Variants in EXOG observed in about 807,000 individuals in gnomAD.
The protein encoded by EXOG is exo/endonuclease G.
Under a neutral mutation model 25.8 loss-of-function variants are expected in EXOG, and 27 were observed. The ratio of observed to expected loss-of-function variants is 1.05; its 90% CI spans 0.77 to 1.45. The LOEUF is 1.45. EXOG is among the 40% of genes most tolerant of loss of function. The probability of loss-of-function intolerance (pLI) is 0.00; values close to 1 mark genes in which losing one functional copy is unlikely to be tolerated. For missense variants in EXOG, 458 were observed against 450.5 expected (o/e 1.02, Z -0.15); for synonymous variants, 133 against 167.0 (o/e 0.80, Z 1.57).
chr3:38,498,197 GATGTATAATTACAATA>G (rs1232974394), intron 2 of EXOG, among the ~76,000 whole-genome samples: 3 of 152,200 alleles, frequency 2.0e-5, no homozygotes, highest in Non-Finnish European at 4.4e-5. Context: ...AATAATTTTA[GATGTATAATTACAATA>G]ATTTTTCCAA....
chr3:38,501,604 A>G (rs1457697582), intron 3 of EXOG, 110 bp downstream of exon 3: 10 of 878,180 alleles, frequency 1.1e-5, no homozygotes, highest in African/African-American at 3.3e-5. Flanking sequence ...GAGAATTTCC[A>G]TACTCTTATT....
Position 38,524,465 on chromosome 3 carries a change from T to G in EXOG, c.*103T>G, listed in dbSNP as rs533942963. On this transcript the variant is annotated 3_prime_UTR_variant, in exon 6 of 6. Transcript: ENST00000287675. ...TGCTTTTTGCTTTTTAAAAAGTTTT[T>G]CTCTTTAAGAGATGTGGTCTCGCCG... 6.9e-7 allele frequency: 1 copy of G among 1,451,412 alleles called. No individual in the cohort carries two copies. Among genetic ancestry groups the G allele is most frequent in the African/African-American group, 1.4e-5 (1 of 69,842 alleles). 89.9% of individuals were successfully genotyped at this position (1,451,412 alleles called of 1,614,324 possible).
chr3:38,512,003 T>A (rs115661651), intron 5 of EXOG, among the ~76,000 whole-genome samples: 2,408 of 152,330 alleles, frequency 0.016, 69 homozygotes, highest in African/African-American at 0.056. Flanking sequence ...AAGATTCTTT[T>A]TTACTTCTCC....
intron 2 of EXOG, chr3:38,501,088 C>G: frequency 3.3e-6 from 1 of 304,620 alleles, no homozygotes; most frequent in Non-Finnish European, 6.0e-6. Flanking sequence ...AAATACTATT[C>G]AGAGGAGTTT....
At chr3:38,513,556 A>ATGGAATGTGTTTT (rs11273215) in intron 5 of EXOG, among the ~76,000 whole-genome samples, 2 of 151,918 alleles carry the variant, frequency 1.3e-5, no homozygotes, top group African/African-American at 2.4e-5. Context: ...CTTTTTAAAA[A>ATGGAATGTGTTTT]TACTTTCTAA....
At position 38,504,868 on chromosome 3, in the gene EXOG, C is replaced by T. The variant is rs76896572; in HGVS notation, c.530+1177C>T. On this transcript the variant is annotated intron_variant, in intron 4 of 5. Transcript: ENST00000287675. ...GTTCTTTCAGGCTATTGTGTTTTTCCCCATATAGTACTTTGTGGTTTAAAA... is the reference window on the plus strand; with the variant it reads ...GTTCTTTCAGGCTATTGTGTTTTTCTCCATATAGTACTTTGTGGTTTAAAA... Among the ~76,000 whole-genome samples the T allele has an allele frequency of 1.5e-3, 233 of 152,188 alleles. 2 individuals carry two copies. The East Asian group carries it at 0.037, about 24-fold the overall frequency.
Position 38,501,445 on chromosome 3 carries a change from G to C in EXOG, c.404G>C (p.Gly135Ala). 2 of 1,613,898 alleles carry C rather than the reference G, an allele frequency of 1.2e-6. No homozygotes were observed. Among genetic ancestry groups the C allele is most frequent in the South Asian group, 2.2e-5 (2 of 91,068 alleles). The change falls in exon 3 of 6, where the codon GGG (glycine) becomes GCG (alanine). Residue 135 changes from glycine to alanine, a missense_variant. Around this residue, in one of 3 missense-constraint regions of EXOG, gnomAD observed 275 missense variants for 230.5 expected, o/e 1.19. Coordinates refer to ENST00000287675, the MANE Select transcript of EXOG (RefSeq NM_005107.4). ...TTCAATGAAGATTATGTTGGAAGTGGGTGGTCACGAGGACACATGGCTCCA... is the reference window on the plus strand; with the variant it reads ...TTCAATGAAGATTATGTTGGAAGTGCGTGGTCACGAGGACACATGGCTCCA... ...SAFNEDYVGS[G>A]WSRGHMAPAG...
At chr3:38,503,913 C>T (rs141371551) in intron 4 of EXOG, among the ~76,000 whole-genome samples, 88 of 152,278 alleles carry the variant, frequency 5.8e-4, no homozygotes, top group African/African-American at 2.0e-3. Context: ...TCATGTTTGC[C>T]ACTGTTCAAA....
intron 5 of EXOG, among the ~76,000 whole-genome samples, chr3:38,521,524 G>C (rs2060715528): frequency 6.6e-6 from 1 of 152,208 alleles, no homozygotes; most frequent in Non-Finnish European, 1.5e-5. Context: ...GAGTCCATGA[G>C]GAGAGAAAAT....
chr3:38,497,075 CAAAAAA>C, intron 1 of EXOG: 1 of 903,066 alleles, frequency 1.1e-6, no homozygotes, highest in Non-Finnish European at 1.3e-6. Flanking sequence ...TTATATTTGA[CAAAAAA>C]AAAAAAAAAA....
chr3:38,519,570 G>T (rs1425828042), intron 5 of EXOG, among the ~76,000 whole-genome samples: 1 of 152,012 alleles, frequency 6.6e-6, no homozygotes, highest in African/African-American at 2.4e-5. Context: ...TAAGTCTCTT[G>T]CTTTATATTT....
At chr3:38,502,016 G>A (rs1374940944) in intron 3 of EXOG, among the ~76,000 whole-genome samples, 2 of 151,690 alleles carry the variant, frequency 1.3e-5, no homozygotes, top group African/African-American at 4.9e-5. Context: ...TCCGCCTCCC[G>A]GGTTCAAGTG....
At position 38,497,005 on chromosome 3, in the gene EXOG, AGTTGAAGAATACC is replaced by A. The variant is rs1279367259; in HGVS notation, c.163+476_163+488del. 4.8e-6 allele frequency: 5 copies of A among 1,046,530 alleles called. No individual in the cohort carries two copies. The African/African-American group carries it at 8.7e-5, about 18-fold the overall frequency. 64.8% of individuals were successfully genotyped at this position (1,046,530 alleles called of 1,614,324 possible). A position where few individuals can be genotyped will look rare whatever the true frequency, so the allele number is the denominator to read the frequency against. On this transcript the variant is annotated intron_variant, in intron 1 of 5. Coordinates refer to ENST00000287675, the MANE Select transcript of EXOG (RefSeq NM_005107.4). ...AACTGCCCTTCTTTCGTCATTGTTC[AGTTGAAGAATACC>A]TGCTATCCCTCCAAAGTGTATAAAA...
At chr3:38,511,438 T>C (rs1471372767) in intron 5 of EXOG, among the ~76,000 whole-genome samples, 2 of 152,224 alleles carry the variant, frequency 1.3e-5, no homozygotes, top group Non-Finnish European at 2.9e-5. Context: ...ACTTCATTTA[T>C]ACTGAAATTA....
chr3:38,513,121 G>A (rs1472902077), intron 5 of EXOG, among the ~76,000 whole-genome samples: 1 of 152,148 alleles, frequency 6.6e-6, no homozygotes, highest in Non-Finnish European at 1.5e-5. Flanking sequence ...TTTTTAATTA[G>A]TTTATAATGT....
At chr3:38,509,683 A>G (rs1046459262) in intron 5 of EXOG, among the ~76,000 whole-genome samples, 4 of 152,238 alleles carry the variant, frequency 2.6e-5, no homozygotes, top group Admixed American at 2.6e-4. Context: ...TGGTGGGGAT[A>G]TGTCAGAAGG....
intron 5 of EXOG, 42 bp downstream of exon 5, chr3:38,507,010 A>G (rs768821759): frequency 2.4e-6 from 2 of 831,676 alleles, no homozygotes; most frequent in African/African-American, 1.7e-5. Context: ...TCTGTATGAG[A>G]TTATAATCTC....
intron 3 of EXOG, among the ~76,000 whole-genome samples, chr3:38,501,734 A>G (rs1291394677): frequency 6.6e-6 from 1 of 151,992 alleles, no homozygotes; most frequent in African/African-American, 2.4e-5. Context: ...AGCTGAAGCT[A>G]CTCACTTTTA....
At position 38,525,107 on chromosome 3, in the gene EXOG, A is replaced by T. The variant is rs892836716; in HGVS notation, c.*745A>T. ...TCAGCAACTAGTTTCTGCTCATTAA[A>T]TGTGTTCTATATACTAGGCTCAGTG... is the stretch of plus-strand genomic sequence containing the variant. On this transcript the variant is annotated 3_prime_UTR_variant, in exon 6 of 6. Coordinates refer to ENST00000287675, the MANE Select transcript of EXOG (RefSeq NM_005107.4). 3.4e-5 allele frequency: 33 copies of T among 967,384 alleles called. No homozygotes were observed. Among genetic ancestry groups the T allele is most frequent in the Non-Finnish European group, 6.1e-6 (5 of 813,826 alleles). The allele number at this position is 967,384 out of a possible 1,614,324, so 59.9% of individuals were successfully genotyped here.
Sources: gnomAD v4.1 joint callset for allele counts (sites outside exome capture counted in the v4.1 genomes callset) on GRCh38, gnomAD v4.1.1 for gene constraint, gnomAD v4.1.1 regional missense constraint, MANE v1.5 for transcripts, NCBI Gene and HGNC (gene_info 2026-07-23, HGNC 2026-07-21) for gene names.